UGGT1: variants seen among roughly 807,000 people sequenced by gnomAD.
UGGT1 encodes the protein UDP-glucose glycoprotein glucosyltransferase 1.
In UGGT1, 107 loss-of-function variants were observed where a neutral mutation model predicts 203.9. That is an observed-to-expected ratio of 0.52 (90% CI 0.45 to 0.62). The LOEUF is 0.62. Among genes scored for constraint, UGGT1 ranks in the 20% least tolerant of loss-of-function variants. The pLI is 0.00. For synonymous variants in UGGT1, 628 were observed against 653.5 expected (o/e 0.96, Z 0.59); for missense variants, 1,673 against 1,867.2 (o/e 0.90, Z 1.92).
rs763735897 is a variant in UGGT1, at chr2:128,187,430, T to C, written c.4477-19T>C. The C allele has an allele frequency of 6.2e-7, 1 of 1,609,498 alleles. No homozygotes were observed. The highest frequency in any genetic ancestry group is 8.5e-7 in the Non-Finnish European group (1 of 1,176,696). ...GCCTTTCTTCAACTCAGCTGAAGTG[T>C]GTTCTTTTGGTTTCACAGTGTAATA... On this transcript the variant is annotated intron_variant, in intron 39 of 40. Transcript: ENST00000259253.
intron 35 of UGGT1, among the ~76,000 whole-genome samples, chr2:128,180,190 A>G (rs1201939245): frequency 2.0e-5 from 3 of 152,224 alleles, no homozygotes; most frequent in Admixed American, 1.3e-4. Context: ...GCGATGGTTT[A>G]CATTGAAGAG....
At chr2:128,132,346 A>G (rs923049435) in intron 13 of UGGT1, among the ~76,000 whole-genome samples, 2 of 151,902 alleles carry the variant, frequency 1.3e-5, no homozygotes, top group Non-Finnish European at 2.9e-5. Context: ...TCAGGAGTTC[A>G]AGACCAGCCT....
Position 128,097,575 on chromosome 2 carries a change from A to ATTTTT in UGGT1, c.194+15_194+19dup, listed in dbSNP as rs768120965. 2 of 1,612,846 alleles carry ATTTTT rather than the reference A, an allele frequency of 1.2e-6. No individual in the cohort carries two copies. The highest frequency in any genetic ancestry group is 1.7e-6 in the Non-Finnish European group (2 of 1,179,600). On this transcript the variant is annotated intron_variant, in intron 2 of 40. Coordinates refer to ENST00000259253, the MANE Select transcript of UGGT1 (RefSeq NM_020120.4). The stretch of plus-strand genomic sequence containing the variant: ...GTTGTTAGAAGCCAGGTAAGAGAAC[A>ATTTTT]TTTTTTTTCCCTTCGTGTATTTGAG...
chr2:128,189,946 C>A lies in UGGT1; in HGVS notation c.*204C>A. The A allele has an allele frequency of 1.9e-6, 1 of 535,130 alleles. No individual in the cohort carries two copies. The highest frequency in any genetic ancestry group is 3.3e-6 in the Non-Finnish European group (1 of 301,874). The allele number at this position is 535,130 out of a possible 1,614,324, so 33.1% of individuals were successfully genotyped here. A position where few individuals can be genotyped will look rare whatever the true frequency, so the allele number is the denominator to read the frequency against. ...TTAAAGCTCTGTTGGATTTGTACCT[C>A]AGAGGAAGACCAAGTGGCTGATCCT... On this transcript the variant is annotated 3_prime_UTR_variant, in exon 41 of 41. Coordinates refer to ENST00000259253, the MANE Select transcript of UGGT1 (RefSeq NM_020120.4).
At chr2:128,138,178 A>C (rs1689225014) in intron 15 of UGGT1, among the ~76,000 whole-genome samples, 1 of 152,176 alleles carries the variant, frequency 6.6e-6, no homozygotes, top group Non-Finnish European at 1.5e-5. Context: ...GGCTTGCTTT[A>C]ACAGTAGAAA....
Position 128,165,586 on chromosome 2 carries a change from A to G in UGGT1, c.2921+761A>G, listed in dbSNP as rs551071691. ...GTGGCAGATGCCTGTAATACCAGCT[A>G]CTCAGGAGCCTGAGACAGGAGAATC... is the stretch of plus-strand genomic sequence containing the variant. On this transcript the variant is annotated intron_variant, in intron 26 of 40. Coordinates refer to ENST00000259253, the MANE Select transcript of UGGT1 (RefSeq NM_020120.4). Among the ~76,000 whole-genome samples, 162 of 152,120 alleles carry G rather than the reference A, an allele frequency of 1.1e-3. 1 individual carries two copies. The highest frequency in any genetic ancestry group is 3.8e-3 in the African/African-American group (156 of 41,502).
chr2:128,179,384 G>A lies in UGGT1; in HGVS notation c.3816-402G>A, dbSNP rs1213014148. Among the ~76,000 whole-genome samples the A allele has an allele frequency of 2.0e-5, 3 of 152,078 alleles. 1 individual carries two copies. The highest frequency in any genetic ancestry group is 3.9e-4 in the East Asian group (2 of 5,190). ...CTGTGTAGGCTGCAGGAGGCGCTGTGGTTACACATTCTTCCCTTAGCACCA... is the reference window on the plus strand; with the variant it reads ...CTGTGTAGGCTGCAGGAGGCGCTGTAGTTACACATTCTTCCCTTAGCACCA... On this transcript the variant is annotated intron_variant, in intron 34 of 40. Transcript: ENST00000259253.
intron 18 of UGGT1, among the ~76,000 whole-genome samples, chr2:128,146,175 G>A (rs2105467229): frequency 6.6e-6 from 1 of 152,206 alleles, no homozygotes; most frequent in South Asian, 2.1e-4. Context: ...GCTAGGCTTG[G>A]TGGTGCACGC....
chr2:128,174,265 A>G lies in UGGT1; in HGVS notation c.3453+326A>G, dbSNP rs544339750. Among the ~76,000 whole-genome samples the G allele has an allele frequency of 2.6e-5, 4 of 152,150 alleles. No individual in the cohort carries two copies. In the East Asian group the frequency reaches 7.7e-4, roughly 29 times the overall value. On this transcript the variant is annotated intron_variant, in intron 30 of 40. Transcript: ENST00000259253. ...GTTGATTCTTCCCTGAAGCACAGCT[A>G]AAGAGCAGATGATTTATTGGTGTGA...
intron 6 of UGGT1, 33 bp from the exon 7 acceptor site, chr2:128,115,091 G>T: frequency 6.3e-7 from 1 of 1,595,084 alleles, no homozygotes; most frequent in Non-Finnish European, 8.6e-7. Flanking sequence ...AAAGAGCTAG[G>T]TGGTAATGAT....
intron 36 of UGGT1, 98 bp downstream of exon 36, chr2:128,181,170 T>A: frequency 8.5e-7 from 1 of 1,171,750 alleles, no homozygotes; most frequent in Non-Finnish European, 1.2e-6. Context: ...AAGGACATGC[T>A]TATTTTACAT....
intron 17 of UGGT1, 110 bp downstream of exon 17, chr2:128,143,335 C>A (rs942489205): frequency 8.1e-7 from 1 of 1,230,670 alleles, no homozygotes; most frequent in Non-Finnish European, 1.1e-6. Context: ...TGTTTCAGTA[C>A]TTAGCATTTA....
At position 128,134,932 on chromosome 2, in the gene UGGT1, G is replaced by T. The variant is rs775389490; in HGVS notation, c.1554G>T (p.Glu518Asp). 6.2e-7 allele frequency: 1 copy of T among 1,613,924 alleles called. No individual in the cohort carries two copies. The highest frequency in any genetic ancestry group is 1.1e-5 in the South Asian group (1 of 91,080). Reference sequence around the variant, plus strand: ...CAGCAGAGTTGATGAACACAGCTGAGATGTTCCTTAGTAATCATATACCAC... The same window carrying T: ...CAGCAGAGTTGATGAACACAGCTGATATGTTCCTTAGTAATCATATACCAC... The part of the protein sequence containing the change: ...ETTAELMNTA[E>D]MFLSNHIPLR... The change falls in exon 15 of 41, where the codon GAG becomes GAT. Residue 518 changes from glutamate (E) to aspartate (D), a missense_variant. By Grantham distance (45) the Glu-to-Asp change is conservative. Around this residue, in one of 4 missense-constraint regions of UGGT1, gnomAD observed 1,073 missense variants for 1,078.7 expected, o/e 0.99. Transcript: ENST00000259253.
Position 128,104,925 on chromosome 2 carries a change from G to A in UGGT1, c.277+911G>A, listed in dbSNP as rs141011745. ...GCCTCCCAAAGTGCTGGGATTACAGGCATGAGCCACTGTGCCTGGCCAGAT... is the reference window on the plus strand; with the variant it reads ...GCCTCCCAAAGTGCTGGGATTACAGACATGAGCCACTGTGCCTGGCCAGAT... On this transcript the variant is annotated intron_variant, in intron 3 of 40. Coordinates refer to ENST00000259253, the MANE Select transcript of UGGT1 (RefSeq NM_020120.4). Among the ~76,000 whole-genome samples, 778 of 152,208 alleles carry A rather than the reference G, an allele frequency of 5.1e-3. 10 individuals carry two copies. Among genetic ancestry groups the A allele is most frequent in the African/African-American group, 0.017 (687 of 41,560 alleles).
At chr2:128,141,227 G>A (rs536798732) in intron 16 of UGGT1, among the ~76,000 whole-genome samples, 1 of 152,018 alleles carries the variant, frequency 6.6e-6, no homozygotes, top group East Asian at 2.0e-4. Flanking sequence ...GGGTGGCCGA[G>A]GTGGGTGGAT....
Position 128,145,961 on chromosome 2 carries a change from G to A in UGGT1, c.2010G>A (p.Val670=), listed in dbSNP as rs112673224. 24 of 1,613,828 alleles carry A rather than the reference G, an allele frequency of 1.5e-5. No individual in the cohort carries two copies. The African/African-American group carries it at 2.1e-4, about 14-fold the overall frequency. Residue 670 remains valine, a synonymous_variant, in exon 18 of 41, where the codon GTG becomes GTA. Transcript: ENST00000259253. ...LETTTFFQRA[V]YLGELPHDQD... ...CCACCACCTTCTTCCAAAGAGCGGT[G>A]TACTTGGTGAGTCACGTTTCAAGGC... is the stretch of plus-strand genomic sequence containing the variant.
In UGGT1 at chr2:128,100,240, T is replaced by C. The variant is rs113889701; in HGVS notation, c.194+2676T>C. The stretch of plus-strand genomic sequence containing the variant: ...TCAGTAGAGATGGGGTTTTACCATG[T>C]TGGCCGCCAGGCTGGTCTGAACTCC... On this transcript the variant is annotated intron_variant, in intron 2 of 40. Transcript: ENST00000259253. Among the ~76,000 whole-genome samples, 868 of 152,214 alleles carry C rather than the reference T, an allele frequency of 5.7e-3. 1 individual carries two copies. The highest frequency in any genetic ancestry group is 9.5e-3 in the Non-Finnish European group (643 of 68,008).
At chr2:128,094,715 A>G (rs1036958436) in intron 1 of UGGT1, among the ~76,000 whole-genome samples, 1 of 132,734 alleles carries the variant, frequency 7.5e-6, no homozygotes, top group Admixed American at 7.6e-5. Context: ...AAGGGTGTCT[A>G]TGGTTAGTCC....
intron 1 of UGGT1, among the ~76,000 whole-genome samples, chr2:128,092,914 G>A (rs1558741247): frequency 6.6e-6 from 1 of 152,108 alleles, no homozygotes; most frequent in East Asian, 1.9e-4. Flanking sequence ...AAAGCCACAT[G>A]GCACATTCTG....
Sources: gnomAD v4.1 joint callset for allele counts (sites outside exome capture counted in the v4.1 genomes callset) on GRCh38, gnomAD v4.1.1 for gene constraint, gnomAD v4.1.1 regional missense constraint, MANE v1.5 for transcripts, NCBI Gene and HGNC (gene_info 2026-07-23, HGNC 2026-07-21) for gene names.